Variants in GRIA3 observed in about 807,000 individuals in gnomAD.
The protein encoded by GRIA3 is glutamate receptor 3.
In GRIA3, 3 loss-of-function variants were observed where a neutral mutation model predicts 63.0. That is an observed-to-expected ratio of 0.05 (90% CI 0.02 to 0.12). GRIA3 has a LOEUF of 0.12. GRIA3 is among the 10% of genes least tolerant of loss of function. GRIA3 has a pLI of 1.00. For synonymous variants in GRIA3, 274 were observed against 257.9 expected, an observed-to-expected ratio of 1.06 and a Z score of -0.60; for missense variants, 347 against 700.9, an observed-to-expected ratio of 0.50 and a Z score of 5.70.
chrX:123,413,936 C>A (rs1439906397), intron 10 of GRIA3, among the ~76,000 whole-genome samples: 6 of 112,020 alleles, frequency 5.4e-5, no homozygotes, highest in Non-Finnish European at 9.4e-5. Context: ...AACCTGTAGT[C>A]TTTCATAACA....
chrX:123,424,838 G>A (rs1394525588), intron 11 of GRIA3, among the ~76,000 whole-genome samples: 1 of 111,924 alleles, frequency 8.9e-6, no homozygotes, highest in Non-Finnish European at 1.9e-5. Context: ...GACTGACACA[G>A]CCACAGTCCA....
intron 5 of GRIA3, among the ~76,000 whole-genome samples, chrX:123,393,841 C>T (rs988784498): frequency 1.8e-5 from 2 of 112,084 alleles, no homozygotes; most frequent in South Asian, 3.7e-4. Context: ...ATGGCTTCAG[C>T]TCATTGAAGA....
intron 2 of GRIA3, among the ~76,000 whole-genome samples, chrX:123,208,247 C>A (rs928058677): frequency 1.8e-5 from 2 of 112,020 alleles, no homozygotes; most frequent in Admixed American, 1.9e-4. Flanking sequence ...AAGAATATTA[C>A]CAGACAGCAG....
chrX:123,414,913 T>A (rs2045528289), intron 10 of GRIA3, among the ~76,000 whole-genome samples: 1 of 111,959 alleles, frequency 8.9e-6, no homozygotes, highest in Admixed American at 9.5e-5. Context: ...GTAGCATGAC[T>A]TATAATCCTT....
intron 12 of GRIA3, 126 bp from the exon 13 acceptor site, chrX:123,464,739 A>G (rs192729944): frequency 4.5e-5 from 26 of 572,093 alleles, no homozygotes; most frequent in South Asian, 2.1e-4. Context: ...GAACGTGCCT[A>G]CTAGGTTGCA....
At chrX:123,208,522 T>C (rs1487465479) in intron 2 of GRIA3, among the ~76,000 whole-genome samples, 2 of 112,287 alleles carry the variant, frequency 1.8e-5, no homozygotes, top group Non-Finnish European at 3.8e-5. Flanking sequence ...ATTTGAGCTG[T>C]TTTGGGGTGT....
chrX:123,226,842 C>T (rs760841471), intron 2 of GRIA3, among the ~76,000 whole-genome samples: 6 of 111,660 alleles, frequency 5.4e-5, no homozygotes, highest in Admixed American at 3.8e-4. Flanking sequence ...TCCATGAGAA[C>T]AGAAAGGAGC....
At chrX:123,429,222 T>A in intron 12 of GRIA3, among the ~76,000 whole-genome samples, 1 of 112,086 alleles carries the variant, frequency 8.9e-6, no homozygotes, top group Non-Finnish European at 1.9e-5. Context: ...AAATAATCAA[T>A]AAGAAATACA....
At chrX:123,249,520 T>C (rs993965359) in intron 2 of GRIA3, among the ~76,000 whole-genome samples, 7 of 111,689 alleles carry the variant, frequency 6.3e-5, no homozygotes, top group Non-Finnish European at 1.3e-4. Context: ...ACTGTCCTCA[T>C]ATGGCAGTTG....
chrX:123,295,238 C>T (rs1363522490), intron 3 of GRIA3, among the ~76,000 whole-genome samples: 1 of 111,586 alleles, frequency 9.0e-6, no homozygotes, highest in Non-Finnish European at 1.9e-5. Flanking sequence ...TCCTTCATTA[C>T]ATGTCTATAA....
chrX:123,345,934 A>C (rs906813511), intron 4 of GRIA3, among the ~76,000 whole-genome samples: 3 of 111,764 alleles, frequency 2.7e-5, no homozygotes, highest in African/African-American at 9.8e-5. Flanking sequence ...ATAAGGAGTA[A>C]GGAAGGGAGA....
At chrX:123,423,345 A>G (rs1390896446) in intron 11 of GRIA3, among the ~76,000 whole-genome samples, 1 of 112,045 alleles carries the variant, frequency 8.9e-6, no homozygotes, top group Non-Finnish European at 1.9e-5. Context: ...AAAAGACATG[A>G]AGGGTATAAA....
intron 14 of GRIA3, among the ~76,000 whole-genome samples, chrX:123,481,581 T>C (rs985098882): frequency 8.9e-6 from 1 of 112,540 alleles, no homozygotes; most frequent in African/African-American, 3.2e-5. Flanking sequence ...TGTCACTGTG[T>C]TGTCACTTAA....
chrX:123,375,143 G>A (rs2045276132), intron 5 of GRIA3, among the ~76,000 whole-genome samples: 2 of 111,552 alleles, frequency 1.8e-5, no homozygotes, highest in African/African-American at 6.5e-5. Flanking sequence ...TCTTTATCAT[G>A]AAGGGATGTT....
intron 3 of GRIA3, among the ~76,000 whole-genome samples, chrX:123,256,269 T>C (rs2044419392): frequency 8.9e-6 from 1 of 111,794 alleles, no homozygotes; most frequent in African/African-American, 3.3e-5. Context: ...TAGATATAGT[T>C]AGATATGGTT....
At chrX:123,380,108 G>C (rs1023242283) in intron 5 of GRIA3, among the ~76,000 whole-genome samples, 1 of 111,216 alleles carries the variant, frequency 9.0e-6, no homozygotes, top group Non-Finnish European at 1.9e-5. Flanking sequence ...AAACATATGT[G>C]TGCATGTGTC....
chrX:123,247,624 C>T (rs772211260), intron 2 of GRIA3, among the ~76,000 whole-genome samples: 2 of 111,904 alleles, frequency 1.8e-5, no homozygotes, highest in South Asian at 7.6e-4. Context: ...CAGGTAGGGA[C>T]AGCATTTCAC....
chrX:123,247,866 A>G (rs2044368087), intron 2 of GRIA3, among the ~76,000 whole-genome samples: 1 of 111,567 alleles, frequency 9.0e-6, no homozygotes, highest in Non-Finnish European at 1.9e-5. Flanking sequence ...AGGGCAAAGT[A>G]CACAGAGAGA....
chrX:123,383,239 A>C (rs1419547940), intron 5 of GRIA3, among the ~76,000 whole-genome samples: 1 of 112,388 alleles, frequency 8.9e-6, no homozygotes, highest in Non-Finnish European at 1.9e-5. Context: ...CAGTGAATTT[A>C]GGATATCCAA....
Sources: allele counts gnomAD v4.1 joint callset (sites outside exome capture counted in the v4.1 genomes callset), GRCh38; gene constraint gnomAD v4.1.1; transcripts MANE v1.5; gene names NCBI Gene and HGNC (gene_info 2026-07-23, HGNC 2026-07-21).